OR8B2: variants seen among roughly 807,000 people sequenced by gnomAD.
OR8B2 encodes olfactory receptor family 8 subfamily B member 2, also known as olfactory receptor 8B2.
For synonymous variants in OR8B2, 98 were observed against 138.2 expected, an observed-to-expected ratio of 0.71 and a Z score of 2.04; for missense variants, 304 against 379.6, an observed-to-expected ratio of 0.80 and a Z score of 1.65.
chr11:124,385,491 C>CGTAT (rs1160767700), upstream of OR8B2, among the ~76,000 whole-genome samples: 1 of 147,984 alleles, frequency 6.8e-6, no homozygotes, highest in African/African-American at 2.5e-5. Flanking sequence ...ATTTAACATG[C>CGTAT]GTGTGTGTGT....
chr11:124,394,711 T>C, the OR8B2 span, among the ~76,000 whole-genome samples: 2 of 152,194 alleles, frequency 1.3e-5, no homozygotes, highest in African/African-American at 2.4e-5. Context: ...AGTGCAACTA[T>C]AGACTTTCAG....
chr11:124,397,103 C>A, the OR8B2 span: 1 of 1,613,668 alleles, frequency 6.2e-7, no homozygotes, highest in Middle Eastern at 1.7e-4. Context: ...ATACAAAGTT[C>A]ATTAGCATTT....
At chr11:124,393,499 AAC>A in the OR8B2 span, among the ~76,000 whole-genome samples, 3 of 122,250 alleles carry the variant, frequency 2.5e-5, 1 homozygote, top group East Asian at 2.2e-4. Flanking sequence ...GCAGCCAAAA[AAC>A]ACATGAAAAA....
chr11:124,396,372 A>G, the OR8B2 span: 4 of 1,529,688 alleles, frequency 2.6e-6, no homozygotes, highest in Non-Finnish European at 3.5e-6. Context: ...ATAAAAATTT[A>G]AAGTTCTTCA....
chr11:124,383,088 C>T lies in OR8B2; in HGVS notation c.256G>A (p.Val86Met). 1.2e-6 allele frequency: 2 copies of T among 1,613,776 alleles called. No individual in the cohort carries two copies. Among genetic ancestry groups the T allele is most frequent in the Non-Finnish European group, 8.5e-7 (1 of 1,179,830 alleles). Reference protein sequence around the residue: ...VFTPKMLMNFVSKKNIISNVG... With the variant: ...VFTPKMLMNFMSKKNIISNVG... ...TTGGAGATAATATTCTTTTTTGACA[C>T]AAAGTTCATTAGCATTTTGGGAGTG... Residue 86 changes from valine (V) to methionine (M), a missense_variant, in exon 2 of 2, where the codon GTG becomes ATG. By Grantham distance (21) the Val-to-Met change is conservative. Transcript: ENST00000641451.
chr11:124,389,389 T>G (rs1190071313), upstream of OR8B2, among the ~76,000 whole-genome samples: 14 of 152,200 alleles, frequency 9.2e-5, no homozygotes, highest in Admixed American at 9.2e-4. Context: ...GTTCTTTCCA[T>G]TTAAGTGATA....
In OR8B2 at chr11:124,383,348, T is replaced by C; in HGVS notation, c.-5A>G. The stretch of plus-strand genomic sequence containing the variant: ...GGAGTTGTTTCTAGCCAGCATTTTT[T>C]GTCTTCAAAAATCTGGGAAGACAAA... On this transcript the variant is annotated 5_prime_UTR_variant, in exon 2 of 2. Transcript: ENST00000641451. 6.4e-7 allele frequency: 1 copy of C among 1,572,438 alleles called. No individual in the cohort carries two copies. Among genetic ancestry groups the C allele is most frequent in the African/African-American group, 1.4e-5 (1 of 72,792 alleles).
chr11:124,396,420 T>TTTC, the OR8B2 span: 20 of 1,599,870 alleles, frequency 1.3e-5, 2 homozygotes, highest in South Asian at 2.1e-4. Flanking sequence ...TTAGAATATA[T>TTTC]TTCTTCTCTG....
At chr11:124,395,599 AT>A in the OR8B2 span, 1 of 152,248 alleles carries the variant, frequency 6.6e-6, no homozygotes, top group Non-Finnish European at 1.5e-5. Context: ...GAGTAAAAAA[AT>A]AACATTTACA....
the OR8B2 span, among the ~76,000 whole-genome samples, chr11:124,393,587 G>A: frequency 0.025 from 3,703 of 150,784 alleles, 90 homozygotes; most frequent in South Asian, 0.13. Flanking sequence ...CAGTTAAAAC[G>A]GCAATCATTA....
the OR8B2 span, chr11:124,396,539 T>C: frequency 6.2e-7 from 1 of 1,613,876 alleles, no homozygotes. Flanking sequence ...CAGAAGAAAC[T>C]TTTCCCTGCT....
chr11:124,396,773 A>G, the OR8B2 span: 1 of 1,613,726 alleles, frequency 6.2e-7, no homozygotes, highest in Non-Finnish European at 8.5e-7. Flanking sequence ...CCTCGTTGAC[A>G]TAGGTGCTGG....
At chr11:124,391,492 C>T in the OR8B2 span, among the ~76,000 whole-genome samples, 6,912 of 151,794 alleles carry the variant, frequency 0.046, 529 homozygotes, top group African/African-American at 0.16. Context: ...AACACCTCTA[C>T]GCAAATAAAC....
the OR8B2 span, among the ~76,000 whole-genome samples, chr11:124,394,407 AAGG>A: frequency 6.6e-6 from 1 of 152,158 alleles, no homozygotes; most frequent in African/African-American, 2.4e-5. Context: ...ATAAAACTGA[AAGG>A]AGCAAGAGTC....
upstream of OR8B2, among the ~76,000 whole-genome samples, chr11:124,388,684 GC>G (rs1043981936): frequency 5.3e-5 from 8 of 151,892 alleles, no homozygotes; most frequent in African/African-American, 1.9e-4. Context: ...CTTCTTTTTT[GC>G]ATTTAGGTTA....
chr11:124,390,627 A>C, the OR8B2 span, among the ~76,000 whole-genome samples: 4 of 152,186 alleles, frequency 2.6e-5, no homozygotes, highest in African/African-American at 7.2e-5. Context: ...TATATATTTT[A>C]AGTAATGAGT....
At chr11:124,391,045 C>T in the OR8B2 span, among the ~76,000 whole-genome samples, 9 of 152,234 alleles carry the variant, frequency 5.9e-5, no homozygotes, top group Admixed American at 2.0e-4. Context: ...CAATTGACCG[C>T]GTGAGTGAGG....
chr11:124,384,865 G>T (rs138633499), upstream of OR8B2, among the ~76,000 whole-genome samples: 703 of 152,278 alleles, frequency 4.6e-3, 9 homozygotes, highest in African/African-American at 0.016. Context: ...CATGTATAAA[G>T]ATGTAAACAT....
chr11:124,394,740 G>T, the OR8B2 span, among the ~76,000 whole-genome samples: 70,709 of 151,956 alleles, frequency 0.47, 17,554 homozygotes, highest in East Asian at 0.58. Context: ...GCACCCCACC[G>T]ATGGGTCTCT....
Sources: gnomAD v4.1 joint callset for allele counts (sites outside exome capture counted in the v4.1 genomes callset) on GRCh38, gnomAD v4.1.1 for gene constraint, MANE v1.5 for transcripts, NCBI Gene and HGNC (gene_info 2026-07-23, HGNC 2026-07-21) for gene names.